The following EPO variants were observed in gnomAD, a reference collection of about 807,000 sequenced individuals.
EPO encodes epoetin.
A neutral mutation model predicts 24.4 loss-of-function variants in EPO; 12 were observed. The observed-to-expected ratio is 0.49, with a 90% confidence interval of 0.32 to 0.80. The LOEUF is 0.80. EPO is among the 30% of genes least tolerant of loss of function. The pLI, the probability that EPO is intolerant of heterozygous loss-of-function variation, is 0.04. For missense variants in EPO, 210 were observed against 238.0 expected (o/e 0.88, Z 0.77); for synonymous variants, 107 against 104.0 (o/e 1.03, Z -0.18).
Position 100,722,982 on chromosome 7 carries a change from A to T in EPO, c.431A>T (p.Glu144Val). ...CTCCTGTTTTCTCCTTGGCAGAAGG[A>T]AGCCATCTCCCCTCCAGATGCGGCC... ...TLLRALGAQKEAISPPDAASA... is the reference protein window; with the variant it reads ...TLLRALGAQKVAISPPDAASA... The change falls in exon 5 of 5, where the codon GAA (glutamate) becomes GTA (valine). Residue 144 changes from glutamate to valine, a missense_variant. Transcript: ENST00000252723. 6.2e-7 allele frequency: 1 copy of T among 1,613,926 alleles called. No individual in the cohort carries two copies. The highest frequency in any genetic ancestry group is 1.3e-5 in the African/African-American group (1 of 75,018).
In EPO at chr7:100,722,713, A is replaced by G; in HGVS notation, c.296A>G (p.Glu99Gly). 6.2e-7 allele frequency: 1 copy of G among 1,612,780 alleles called. No homozygotes were observed. The highest frequency in any genetic ancestry group is 8.5e-7 in the Non-Finnish European group (1 of 1,179,886). The change falls in exon 4 of 5, where the codon GAA becomes GGA. Residue 99 changes from glutamate (E) to glycine (G), a missense_variant. By Grantham distance (98) the Glu-to-Gly change is moderately conservative (BLOSUM62 -2). Transcript: ENST00000252723. ...TGGCAGGGCCTGGCCCTGCTGTCGGAAGCTGTCCTGCGGGGCCAGGCCCTG... is the reference window on the plus strand; with the variant it reads ...TGGCAGGGCCTGGCCCTGCTGTCGGGAGCTGTCCTGCGGGGCCAGGCCCTG... ...EVWQGLALLS[E>G]AVLRGQALLV... is the part of the protein sequence containing the mutation.
chr7:100,723,415 C>T lies in EPO; in HGVS notation c.*282C>T, dbSNP rs1806783522. On this transcript the variant is annotated 3_prime_UTR_variant, in exon 5 of 5. Transcript: ENST00000252723. The stretch of plus-strand genomic sequence containing the variant: ...GGGACAGAGCCATGCTGGGAAGACG[C>T]CTGAGCTCACTCGGCACCCTGCAAA... The T allele has an allele frequency of 9.3e-6, 3 of 323,348 alleles. No individual in the cohort carries two copies. The highest frequency in any genetic ancestry group is 8.8e-4 in the Middle Eastern group (1 of 1,138). The allele number at this position is 323,348 out of a possible 1,614,324, so 20.0% of individuals were successfully genotyped here. A position where few individuals can be genotyped will look rare whatever the true frequency, so the allele number is the denominator to read the frequency against.
chr7:100,722,015 C>G lies in EPO; in HGVS notation c.213C>G (p.Thr71=). The G allele has an allele frequency of 6.2e-7, 1 of 1,611,986 alleles. No individual in the cohort carries two copies. The highest frequency in any genetic ancestry group is 8.5e-7 in the Non-Finnish European group (1 of 1,179,436). Residue 71 remains threonine, a synonymous_variant, in exon 3 of 5, where the codon ACC becomes ACG. Transcript: ENST00000252723. Reference sequence around the variant, plus strand: ...ATGAGAATATCACTGTCCCAGACACCAAAGTTAATTTCTATGCCTGGAAGA... The same window carrying G: ...ATGAGAATATCACTGTCCCAGACACGAAAGTTAATTTCTATGCCTGGAAGA... ...SLNENITVPD[T]KVNFYAWKRM...
In EPO at chr7:100,722,030, T is replaced by C. The variant is rs763035217; in HGVS notation, c.228T>C (p.Tyr76=). Residue 76 remains tyrosine (Y), a synonymous_variant, in exon 3 of 5, where the codon TAT becomes TAC. Transcript: ENST00000252723. The part of the protein sequence containing the change: ...ITVPDTKVNF[Y]AWKRMEVGQQ... ...TCCCAGACACCAAAGTTAATTTCTA[T>C]GCCTGGAAGAGGATGGAGGTGAGTT... is the stretch of plus-strand genomic sequence containing the variant. The C allele has an allele frequency of 6.2e-7, 1 of 1,609,864 alleles. No homozygotes were observed. The highest frequency in any genetic ancestry group is 8.5e-7 in the Non-Finnish European group (1 of 1,178,816).
chr7:100,722,419 C>T (rs1806755486), intron 3 of EPO, among the ~76,000 whole-genome samples: 1 of 152,066 alleles, frequency 6.6e-6, no homozygotes. Context: ...CACTGCACTC[C>T]AGCCTCAGTG....
rs111249118 is a variant in EPO, at chr7:100,722,057, C to CT, written c.246+24dup. The CT allele has an allele frequency of 0.14, 176,461 of 1,297,310 alleles. 80 individuals are homozygous for CT. The highest frequency in any genetic ancestry group is 0.15 in the Non-Finnish European group (138,337 of 954,038). 80.4% of individuals were successfully genotyped at this position (1,297,310 alleles called of 1,614,324 possible). On this transcript the variant is annotated intron_variant, in intron 3 of 4. Transcript: ENST00000252723. ...CCTGGAAGAGGATGGAGGTGAGTTC[C>CT]TTTTTTTTTTTTTTTCCTTTCTTTT...
chr7:100,721,128 G>T lies in EPO; in HGVS notation c.13+135G>T. 1 of 525,856 alleles carries T rather than the reference G, an allele frequency of 1.9e-6. No individual in the cohort carries two copies. The highest frequency in any genetic ancestry group is 3.2e-6 in the Non-Finnish European group (1 of 312,354). The allele number at this position is 525,856 out of a possible 1,614,324, so 32.6% of individuals were successfully genotyped here. A position where few individuals can be genotyped will look rare whatever the true frequency, so the allele number is the denominator to read the frequency against. On this transcript the variant is annotated intron_variant, in intron 1 of 4. Coordinates refer to ENST00000252723, the MANE Select transcript of EPO (RefSeq NM_000799.4). This position sits in a 1 kb window ranked among gnomAD's most constrained non-coding sequence, Gnocchi z 4.0. ...TGTCAAGGACCCCGGAAGGGGGAGG[G>T]GGGTGGGGCAGCCTCCACGTGCCAG...
Position 100,721,465 on chromosome 7 carries a change from G to A in EPO, c.14-93G>A. The A allele has an allele frequency of 2.0e-6, 3 of 1,514,936 alleles. No individual in the cohort carries two copies. The South Asian group carries it at 3.8e-5, about 19-fold the overall frequency. The allele number at this position is 1,514,936 out of a possible 1,614,324, so 93.8% of individuals were successfully genotyped here. A position where few individuals can be genotyped will look rare whatever the true frequency, so the allele number is the denominator to read the frequency against. On this transcript the variant is annotated intron_variant, in intron 1 of 4. Transcript: ENST00000252723. This position sits in a 1 kb window ranked among gnomAD's most constrained non-coding sequence, Gnocchi z 4.0. Reference sequence around the variant, plus strand: ...GCATGGTTGGGGACAGGAAGGACGAGCTGGGGCAGAGACGTGGGGATGAAG... The same window carrying A: ...GCATGGTTGGGGACAGGAAGGACGAACTGGGGCAGAGACGTGGGGATGAAG...
chr7:100,722,222 G>A (rs1231136200), intron 3 of EPO, among the ~76,000 whole-genome samples, 174 bp downstream of exon 3: 1 of 152,152 alleles, frequency 6.6e-6, no homozygotes, highest in Non-Finnish European at 1.5e-5. Flanking sequence ...CGAGATGGGA[G>A]AATTGCTTGA....
At position 100,722,855 on chromosome 7, in the gene EPO, C is replaced by T. The variant is rs768710685; in HGVS notation, c.426+12C>T. 1.9e-5 allele frequency: 30 copies of T among 1,611,604 alleles called. No homozygotes were observed. The highest frequency in any genetic ancestry group is 4.5e-5 in the East Asian group (2 of 44,858). ...CTCTGGGAGCCCAGGTGAGTAGGAGCGGACACTTCTGCTTGCCCTTTCTGT... is the reference window on the plus strand; with the variant it reads ...CTCTGGGAGCCCAGGTGAGTAGGAGTGGACACTTCTGCTTGCCCTTTCTGT... On this transcript the variant is annotated intron_variant, in intron 4 of 4. Coordinates refer to ENST00000252723, the MANE Select transcript of EPO (RefSeq NM_000799.4).
In EPO at chr7:100,723,127, CA is replaced by C. The variant is rs369859204; in HGVS notation, c.577del (p.Arg193AspfsTer28). 130 of 1,613,660 alleles carry C rather than the reference CA, an allele frequency of 8.1e-5. 1 individual carries two copies. The East Asian group carries it at 2.7e-3, about 33-fold the overall frequency. ...YTGEACRTGD[R>X] Reference sequence around the variant, plus strand: ...CAGGGGAGGCCTGCAGGACAGGGGACAGATGACCAGGTGTGTCCACCTGGGC... The same window carrying C: ...CAGGGGAGGCCTGCAGGACAGGGGACGATGACCAGGTGTGTCCACCTGGGC... On this transcript the variant is annotated frameshift_variant, in exon 5 of 5. Coordinates refer to ENST00000252723, the MANE Select transcript of EPO (RefSeq NM_000799.4). LOFTEE classifies it high-confidence loss of function.
chr7:100,721,771 C>G lies in EPO; in HGVS notation c.159+68C>G. The G allele has an allele frequency of 6.4e-7, 1 of 1,554,704 alleles. No homozygotes were observed. Among genetic ancestry groups the G allele is most frequent in the South Asian group, 1.2e-5 (1 of 83,486 alleles). ...GGGCTTCAGGGAACTCCTCCCAGAT[C>G]CAGGAACCTGGCACTTGGTTTGGGG... On this transcript the variant is annotated intron_variant, in intron 2 of 4. Transcript: ENST00000252723. This position sits in a 1 kb window ranked among gnomAD's most constrained non-coding sequence, Gnocchi z 4.0.
Position 100,722,820 on chromosome 7 carries a change from C to A in EPO, c.403C>A (p.Leu135Met). ...AVSGLRSLTT[L>M]LRALGAQKEA... is the part of the protein sequence containing the mutation. The stretch of plus-strand genomic sequence containing the variant: ...CAGTGGCCTTCGCAGCCTCACCACT[C>A]TGCTTCGGGCTCTGGGAGCCCAGGT... Residue 135 changes from leucine (L) to methionine (M), a missense_variant, in exon 4 of 5, where the codon CTG (leucine) becomes ATG (methionine). Coordinates refer to ENST00000252723, the MANE Select transcript of EPO (RefSeq NM_000799.4). 6.2e-7 allele frequency: 1 copy of A among 1,613,402 alleles called. No individual in the cohort carries two copies. The highest frequency in any genetic ancestry group is 8.5e-7 in the Non-Finnish European group (1 of 1,179,842).
rs919844993 is a variant in EPO at position 100,721,472 on chromosome 7, C to A, written c.14-86C>A. 1.3e-6 allele frequency: 2 copies of A among 1,532,406 alleles called. No individual in the cohort carries two copies. Among genetic ancestry groups the A allele is most frequent in the Non-Finnish European group, 1.8e-6 (2 of 1,133,024 alleles). 94.9% of individuals were successfully genotyped at this position (1,532,406 alleles called of 1,614,324 possible). On this transcript the variant is annotated intron_variant, in intron 1 of 4. Transcript: ENST00000252723. This position sits in a 1 kb window ranked among gnomAD's most constrained non-coding sequence, Gnocchi z 4.0. ...TGGGGACAGGAAGGACGAGCTGGGG[C>A]AGAGACGTGGGGATGAAGGAAGCTG... is the stretch of plus-strand genomic sequence containing the variant.
Position 100,721,564 on chromosome 7 carries a change from C to G in EPO, c.20C>G (p.Pro7Arg). The G allele has an allele frequency of 1.5e-5, 25 of 1,613,940 alleles. No individual in the cohort carries two copies. Among genetic ancestry groups the G allele is most frequent in the Non-Finnish European group, 2.0e-5 (24 of 1,179,978 alleles). ...GCCTGGCTATCTGTTCTAGAATGTC[C>G]TGCCTGGCTGTGGCTTCTCCTGTCC... is the stretch of plus-strand genomic sequence containing the variant. MGVHECPAWLWLLLSLL... is the reference protein window; with the variant it reads MGVHECRAWLWLLLSLL... Residue 7 changes from proline (P) to arginine (R), a missense_variant, in exon 2 of 5, where the codon CCT becomes CGT. Transcript: ENST00000252723. This position sits in a 1 kb window ranked among gnomAD's most constrained non-coding sequence, Gnocchi z 4.0.
At chr7:100,722,102 C>A (rs1276774764) in intron 3 of EPO, 54 bp downstream of exon 3, 2 of 1,485,676 alleles carry the variant, frequency 1.3e-6, no homozygotes, top group Non-Finnish European at 1.8e-6. Flanking sequence ...CATTTGCGAG[C>A]CTGATTTTGG....
intron 3 of EPO, 111 bp from the exon 4 acceptor site, chr7:100,722,553 C>T: frequency 1.3e-6 from 1 of 781,110 alleles, no homozygotes; most frequent in Non-Finnish European, 2.1e-6. Context: ...ATTCATTCAA[C>T]AAGTCTTATT....
chr7:100,722,227 G>A (rs2131441086), intron 3 of EPO, among the ~76,000 whole-genome samples, 179 bp downstream of exon 3: 1 of 152,220 alleles, frequency 6.6e-6, no homozygotes, highest in East Asian at 1.9e-4. Context: ...TGGGAGAATT[G>A]CTTGAGCCCT....
Position 100,721,927 on chromosome 7 carries a change from G to GGGACC in EPO, c.160-34_160-30dup. 6.3e-7 allele frequency: 1 copy of GGGACC among 1,589,698 alleles called. No individual in the cohort carries two copies. The highest frequency in any genetic ancestry group is 2.2e-5 in the East Asian group (1 of 44,814). Reference sequence around the variant, plus strand: ...CTGTGGGCCAGGGCCAGAGCCTTCAGGGACCCTTGACTCCCCGGGCTGTGT... The same window carrying GGGACC: ...CTGTGGGCCAGGGCCAGAGCCTTCAGGGACCGGACCCTTGACTCCCCGGGCTGTGT... On this transcript the variant is annotated intron_variant, in intron 2 of 4. Coordinates refer to ENST00000252723, the MANE Select transcript of EPO (RefSeq NM_000799.4). This position sits in a 1 kb window ranked among gnomAD's most constrained non-coding sequence, Gnocchi z 4.0.
Sources: gnomAD v4.1 joint callset for allele counts (sites outside exome capture counted in the v4.1 genomes callset) on GRCh38, gnomAD v4.1.1 for gene constraint, Gnocchi (gnomAD v3.1) non-coding constraint, MANE v1.5 for transcripts, NCBI Gene and HGNC (gene_info 2026-07-23, HGNC 2026-07-21) for gene names.